HEATR5B: variants seen among roughly 807,000 people sequenced by gnomAD.
HEATR5B encodes the protein HEAT repeat-containing protein 5B.
Under a neutral mutation model 224.1 loss-of-function variants are expected in HEATR5B, and 156 were observed. That is an observed-to-expected ratio of 0.70 (90% CI 0.61 to 0.80). HEATR5B has a LOEUF of 0.80. Among genes scored for constraint, HEATR5B ranks in the 30% least tolerant of loss-of-function variants. The pLI is 0.00. For missense variants in HEATR5B, 2,323 were observed against 2,535.5 expected, an observed-to-expected ratio of 0.92 and a Z score of 1.80; for synonymous variants, 1,027 against 893.0, an observed-to-expected ratio of 1.15 and a Z score of -2.68.
At chr2:37,056,142 A>G (rs533178880) in intron 16 of HEATR5B, among the ~76,000 whole-genome samples, 1 of 152,014 alleles carries the variant, frequency 6.6e-6, no homozygotes, top group Non-Finnish European at 1.5e-5. Context: ...TTTTTTGCCA[A>G]CAGTTGTCAT....
rs1166742118 is a variant in HEATR5B, at chr2:37,079,126, G to T, written c.332C>A (p.Thr111Lys). The T allele has an allele frequency of 1.3e-6, 2 of 1,579,810 alleles. No homozygotes were observed. The highest frequency in any genetic ancestry group is 2.2e-5 in the East Asian group (1 of 44,634). Residue 111 changes from threonine (T) to lysine (K), a missense_variant, in exon 3 of 36, where the codon ACA becomes AAA. By Grantham distance (78) the Thr-to-Lys change is moderately conservative. This residue lies in a region of HEATR5B where 292 missense variants were observed against 332.6 expected (regional missense o/e 0.88). Coordinates refer to ENST00000233099, the MANE Select transcript of HEATR5B (RefSeq NM_019024.3). The part of the protein sequence containing the change: ...NKDDTAAYLP[T>K]KLAAVACVGA... ...TATTAAAGTAAGTACTTACAATTTT[G>T]TTGGTAAGTAGGCCGCAGTGTCATC... is the stretch of plus-strand genomic sequence containing the variant.
chr2:37,075,425 G>A lies in HEATR5B; in HGVS notation c.597+60C>T, dbSNP rs563585054. ...TAAAATTTTAAAAGAAAAAAAAATC[G>A]TTGACTGTTTAAGAGCAAGAAGGAT... is the stretch of plus-strand genomic sequence containing the variant. On this transcript the variant is annotated intron_variant, in intron 5 of 35. Coordinates refer to ENST00000233099, the MANE Select transcript of HEATR5B (RefSeq NM_019024.3). 9.9e-5 allele frequency: 129 copies of A among 1,298,778 alleles called. 1 individual carries two copies. The South Asian group carries it at 1.9e-3, about 19-fold the overall frequency. 80.5% of individuals were successfully genotyped at this position (1,298,778 alleles called of 1,614,324 possible).
At chr2:37,036,566 C>G (rs940048189) in intron 21 of HEATR5B, among the ~76,000 whole-genome samples, 1 of 151,470 alleles carries the variant, frequency 6.6e-6, no homozygotes. Context: ...GGTTGGAGTG[C>G]AATGGCGCAA....
chr2:37,013,416 G>T (rs1260300668), intron 27 of HEATR5B, among the ~76,000 whole-genome samples: 1 of 152,240 alleles, frequency 6.6e-6, no homozygotes, highest in African/African-American at 2.4e-5. Context: ...TGGGCACTGT[G>T]GTGCGTGCCT....
chr2:37,057,211 T>C lies in HEATR5B; in HGVS notation c.2223+106A>G, dbSNP rs551381806. 3.1e-5 allele frequency: 24 copies of C among 770,562 alleles called. No individual in the cohort carries two copies. In the African/African-American group the frequency reaches 4.4e-4, roughly 14 times the overall value. The allele number at this position is 770,562 out of a possible 1,614,324, so 47.7% of individuals were successfully genotyped here. ...TCTTTAAGTGTCTAAGAACACTAAA[T>C]GGGGATTAAACCTTTCTATACACTA... On this transcript the variant is annotated intron_variant, in intron 15 of 35. Coordinates refer to ENST00000233099, the MANE Select transcript of HEATR5B (RefSeq NM_019024.3).
chr2:37,039,381 G>A (rs1300862732), intron 20 of HEATR5B, among the ~76,000 whole-genome samples: 2 of 151,838 alleles, frequency 1.3e-5, no homozygotes, highest in African/African-American at 4.8e-5. Context: ...CAGGAGAATC[G>A]CTTGAACTCA....
intron 2 of HEATR5B, 22 bp from the exon 3 acceptor site, chr2:37,079,353 A>G (rs753574476): frequency 7.0e-7 from 1 of 1,431,310 alleles, no homozygotes; most frequent in Non-Finnish European, 9.5e-7. Flanking sequence ...AAAATTTTTA[A>G]AAGAACATCA....
intron 31 of HEATR5B, 69 bp downstream of exon 31, chr2:37,003,473 C>A: frequency 1.8e-6 from 2 of 1,122,060 alleles, no homozygotes; most frequent in South Asian, 1.5e-5. Flanking sequence ...TATGTCCTGG[C>A]GTTAATATTT....
In HEATR5B at chr2:37,072,285, G is replaced by T; in HGVS notation, c.598-4C>A. ...CATTCTGTAGTTCTAGTAGACACTG[G>T]AATTAAAAACAAAAAAGTAAATAAC... On this transcript the variant is annotated splice_polypyrimidine_tract_variant and splice_region_variant and intron_variant, in intron 5 of 35. Transcript: ENST00000233099. 1 of 1,591,816 alleles carries T rather than the reference G, an allele frequency of 6.3e-7. No individual in the cohort carries two copies. The highest frequency in any genetic ancestry group is 8.6e-7 in the Non-Finnish European group (1 of 1,165,650).
At chr2:36,991,235 T>TA (rs1012307497) in intron 33 of HEATR5B, among the ~76,000 whole-genome samples, 4 of 152,130 alleles carry the variant, frequency 2.6e-5, no homozygotes, top group South Asian at 4.2e-4. Context: ...ATATAACCAT[T>TA]AAAAAAATCG....
intron 33 of HEATR5B, among the ~76,000 whole-genome samples, chr2:36,997,783 G>C (rs909461379): frequency 4.0e-5 from 6 of 151,742 alleles, no homozygotes; most frequent in Admixed American, 3.9e-4. Flanking sequence ...AGCTAGGATG[G>C]TGTCGATCTC....
chr2:37,049,900 T>TA (rs1670432336), intron 17 of HEATR5B, 57 bp from the exon 18 acceptor site: 1 of 1,432,858 alleles, frequency 7.0e-7, no homozygotes, highest in Non-Finnish European at 9.2e-7. Flanking sequence ...TTATTATTAT[T>TA]TTTTTTTTAA....
At chr2:37,059,950 G>T (rs1671175550) in intron 12 of HEATR5B, among the ~76,000 whole-genome samples, 1 of 152,102 alleles carries the variant, frequency 6.6e-6, no homozygotes, top group Admixed American at 6.6e-5. Context: ...GGTGAAACAT[G>T]TATCTCTCTC....
intron 32 of HEATR5B, among the ~76,000 whole-genome samples, chr2:37,001,276 G>C (rs987265401): frequency 1.2e-4 from 18 of 152,228 alleles, no homozygotes; most frequent in Admixed American, 8.5e-4. Flanking sequence ...GGCAAGGAAA[G>C]AAGAAATGAA....
At chr2:37,049,866 A>G in intron 17 of HEATR5B, 23 bp from the exon 18 acceptor site, 1 of 1,475,616 alleles carries the variant, frequency 6.8e-7, no homozygotes, top group Non-Finnish European at 9.0e-7. Context: ...AAAAAAAAAA[A>G]AAAAGACAGC....
intron 5 of HEATR5B, among the ~76,000 whole-genome samples, chr2:37,075,093 T>C (rs1672145038): frequency 6.6e-6 from 1 of 152,216 alleles, no homozygotes; most frequent in South Asian, 2.1e-4. Context: ...AAAGCATATG[T>C]TTGTGCAAAA....
intron 17 of HEATR5B, among the ~76,000 whole-genome samples, chr2:37,050,185 G>A (rs1192341171): frequency 2.6e-5 from 4 of 152,036 alleles, no homozygotes; most frequent in Non-Finnish European, 5.9e-5. Context: ...ACCTGGCCTC[G>A]CAATTCATAT....
At chr2:37,056,357 G>A in intron 16 of HEATR5B, 83 bp downstream of exon 16, 1 of 899,770 alleles carries the variant, frequency 1.1e-6, no homozygotes, top group Non-Finnish European at 1.6e-6. Context: ...CTTTATTGCA[G>A]AGTTAACTGG....
intron 17 of HEATR5B, 59 bp from the exon 18 acceptor site, chr2:37,049,902 T>A: frequency 7.0e-7 from 1 of 1,435,546 alleles, no homozygotes; most frequent in Non-Finnish European, 9.2e-7. Context: ...ATTATTATTT[T>A]TTTTTTAAGG....
Sources: gnomAD v4.1 joint callset for allele counts (sites outside exome capture counted in the v4.1 genomes callset) on GRCh38, gnomAD v4.1.1 for gene constraint, gnomAD v4.1.1 regional missense constraint, MANE v1.5 for transcripts, NCBI Gene and HGNC (gene_info 2026-07-23, HGNC 2026-07-21) for gene names.